RBFOX1: variants seen among roughly 807,000 people sequenced by gnomAD.
RBFOX1 encodes the protein RNA binding fox-1 homolog 1.
Under a neutral mutation model 57.7 loss-of-function variants are expected in RBFOX1, and 8 were observed. The observed-to-expected ratio is 0.14, with a 90% CI of 0.08 to 0.25. The LOEUF is 0.25. RBFOX1 is among the 10% of genes least tolerant of loss of function. The pLI, the probability that RBFOX1 is intolerant of heterozygous loss-of-function variation, is 1.00. For missense variants in RBFOX1, 611 were observed against 548.5 expected (o/e 1.11, Z -1.14); for synonymous variants, 326 against 222.4 (o/e 1.47, Z -4.15).
At chr16:7,256,576 C>T (rs985376176) in intron 4 of RBFOX1, among the ~76,000 whole-genome samples, 1 of 152,132 alleles carries the variant, frequency 6.6e-6, no homozygotes, top group South Asian at 2.1e-4. Context: ...ACCATGTAAA[C>T]TGTGTGTGCG....
At chr16:6,594,496 A>T (rs2097757781) in intron 2 of RBFOX1, among the ~76,000 whole-genome samples, 1 of 152,182 alleles carries the variant, frequency 6.6e-6, no homozygotes, top group South Asian at 2.1e-4. Flanking sequence ...CCCAGCTCTC[A>T]CAGATTGTTG....
At chr16:6,596,128 A>T (rs2097774614) in intron 2 of RBFOX1, among the ~76,000 whole-genome samples, 1 of 152,068 alleles carries the variant, frequency 6.6e-6, no homozygotes, top group African/African-American at 2.4e-5. Flanking sequence ...AAATGGATAC[A>T]GTCCAATTTA....
chr16:7,374,469 G>A (rs140431606), intron 4 of RBFOX1, among the ~76,000 whole-genome samples: 134 of 152,202 alleles, frequency 8.8e-4, no homozygotes, highest in Non-Finnish European at 1.4e-3. Flanking sequence ...AAGATATGGT[G>A]TAACTGTATC....
chr16:5,446,787 C>G (rs1272846964), intron 1 of RBFOX1, among the ~76,000 whole-genome samples: 4 of 152,128 alleles, frequency 2.6e-5, no homozygotes, highest in Non-Finnish European at 4.4e-5. Context: ...AGATGACAGT[C>G]TAGTTCTCAC....
intron 4 of RBFOX1, among the ~76,000 whole-genome samples, chr16:7,274,093 T>G (rs115540429): frequency 4.7e-4 from 71 of 152,336 alleles, no homozygotes; most frequent in African/African-American, 1.7e-3. Flanking sequence ...CCCACTGGCT[T>G]TATGAAATCC....
intron 4 of RBFOX1, among the ~76,000 whole-genome samples, chr16:7,185,900 A>G (rs17560772): frequency 0.27 from 40,462 of 152,064 alleles, 5,897 homozygotes; most frequent in Non-Finnish European, 0.34. Flanking sequence ...TTCTTGAGCA[A>G]TGATACAATT....
intron 4 of RBFOX1, among the ~76,000 whole-genome samples, chr16:7,215,023 A>G (rs546293851): frequency 1.3e-5 from 2 of 152,232 alleles, no homozygotes; most frequent in East Asian, 3.9e-4. Flanking sequence ...CCCCACATGC[A>G]TTAGCTATTT....
chr16:6,571,763 CT>C, intron 2 of RBFOX1, among the ~76,000 whole-genome samples: 1 of 152,086 alleles, frequency 6.6e-6, no homozygotes, highest in Admixed American at 6.5e-5. Context: ...AGTTCTGGGC[CT>C]GCTGCAGCCA....
intron 3 of RBFOX1, among the ~76,000 whole-genome samples, chr16:5,739,735 C>A (rs2052708896): frequency 6.6e-6 from 1 of 152,184 alleles, no homozygotes; most frequent in African/African-American, 2.4e-5. Context: ...ACAGGAAATC[C>A]TGTGTTGTAG....
At chr16:5,685,469 T>A (rs2050476972) in intron 3 of RBFOX1, among the ~76,000 whole-genome samples, 1 of 152,206 alleles carries the variant, frequency 6.6e-6, no homozygotes, top group South Asian at 2.1e-4. Context: ...GATTTTGACA[T>A]ATTGTCCCAA....
intron 2 of RBFOX1, among the ~76,000 whole-genome samples, chr16:6,385,344 A>C (rs2092178955): frequency 6.6e-6 from 1 of 152,006 alleles, no homozygotes; most frequent in Non-Finnish European, 1.5e-5. Flanking sequence ...AGTTTTCCCC[A>C]TCTTTATTTT....
At chr16:5,664,231 A>C (rs2049757106) in intron 3 of RBFOX1, among the ~76,000 whole-genome samples, 1 of 152,220 alleles carries the variant, frequency 6.6e-6, no homozygotes, top group Non-Finnish European at 1.5e-5. Context: ...AAGCTGTGCA[A>C]CGGAGTCAGT....
chr16:6,057,594 G>T (rs1231178891), intron 1 of RBFOX1, among the ~76,000 whole-genome samples: 1 of 152,078 alleles, frequency 6.6e-6, no homozygotes, highest in Non-Finnish European at 1.5e-5. Context: ...AAAGACCAAA[G>T]ACACTGAGCC....
At chr16:6,103,638 A>G (rs1376169409) in intron 1 of RBFOX1, among the ~76,000 whole-genome samples, 3 of 152,090 alleles carry the variant, frequency 2.0e-5, no homozygotes, top group Admixed American at 1.3e-4. Context: ...TCACCCTTGA[A>G]TCATCCAACC....
intron 11 of RBFOX1, among the ~76,000 whole-genome samples, chr16:7,631,035 G>T (rs549206251): frequency 7.2e-5 from 11 of 152,276 alleles, no homozygotes; most frequent in African/African-American, 2.4e-4. Flanking sequence ...CACCCCAAAG[G>T]CACCCTTGCC....
intron 1 of RBFOX1, among the ~76,000 whole-genome samples, chr16:5,456,684 G>A (rs904345119): frequency 6.6e-6 from 1 of 152,090 alleles, no homozygotes; most frequent in Admixed American, 6.6e-5. Context: ...CATTTCCTTG[G>A]ATACCTCTCT....
At chr16:7,204,755 C>G (rs894855839) in intron 4 of RBFOX1, among the ~76,000 whole-genome samples, 1 of 152,130 alleles carries the variant, frequency 6.6e-6, no homozygotes, top group Non-Finnish European at 1.5e-5. Flanking sequence ...CCTTTTCTCC[C>G]CCTCTCCCCA....
intron 1 of RBFOX1, among the ~76,000 whole-genome samples, chr16:6,289,560 G>T (rs762995324): frequency 2.0e-5 from 3 of 152,140 alleles, no homozygotes; most frequent in African/African-American, 7.2e-5. Context: ...CTGGAAGACT[G>T]TTCTCTTATG....
chr16:6,779,123 G>A (rs1342827397), intron 3 of RBFOX1, among the ~76,000 whole-genome samples: 1 of 151,894 alleles, frequency 6.6e-6, no homozygotes, highest in African/African-American at 2.4e-5. Context: ...TTATCTAATT[G>A]TATTTTTGTA....
Sources: allele counts gnomAD v4.1 joint callset (sites outside exome capture counted in the v4.1 genomes callset), GRCh38; gene constraint gnomAD v4.1.1; transcripts MANE v1.5; gene names NCBI Gene and HGNC (gene_info 2026-07-23, HGNC 2026-07-21).